The following UTP4 variants were observed in gnomAD, a reference collection of about 807,000 sequenced individuals.
The protein encoded by UTP4 is U3 small nucleolar RNA-associated protein 4 homolog.
Under a neutral mutation model 82.4 loss-of-function variants are expected in UTP4, and 45 were observed. The observed-to-expected ratio is 0.55, with a 90% CI of 0.43 to 0.70. The LOEUF is 0.70. UTP4 is among the 30% of genes least tolerant of loss of function. The pLI, the probability that UTP4 is intolerant of heterozygous loss-of-function variation, is 0.00. For synonymous variants in UTP4, 348 were observed against 300.3 expected (o/e 1.16, Z -1.64); for missense variants, 819 against 858.3 (o/e 0.95, Z 0.57).
intron 6 of UTP4, among the ~76,000 whole-genome samples, chr16:69,144,211 T>A (rs28626797): frequency 0.018 from 2,695 of 149,012 alleles, 81 homozygotes; most frequent in African/African-American, 0.063. Flanking sequence ...TTTTTTTTTT[T>A]ATTTTTTTGA....
intron 6 of UTP4, among the ~76,000 whole-genome samples, chr16:69,144,831 G>T (rs1963063381): frequency 6.6e-6 from 1 of 152,142 alleles, no homozygotes; most frequent in Non-Finnish European, 1.5e-5. Context: ...CACAGCAGTT[G>T]TAATTATTAT....
At chr16:69,145,568 T>C (rs1001423272) in intron 6 of UTP4, among the ~76,000 whole-genome samples, 1 of 152,068 alleles carries the variant, frequency 6.6e-6, no homozygotes, top group Admixed American at 6.5e-5. Flanking sequence ...TTTTTCTTTT[T>C]CTTTTTTTTT....
At chr16:69,155,164 G>GT (rs953487157) in intron 10 of UTP4, among the ~76,000 whole-genome samples, 2 of 152,014 alleles carry the variant, frequency 1.3e-5, no homozygotes, top group Non-Finnish European at 2.9e-5. Flanking sequence ...TAGTTGGTTG[G>GT]TTTTTTTGTT....
intron 14 of UTP4, among the ~76,000 whole-genome samples, chr16:69,163,727 T>C (rs1015313375): frequency 1.3e-5 from 2 of 151,758 alleles, no homozygotes; most frequent in Non-Finnish European, 2.9e-5. Context: ...TAGGAAGTTA[T>C]CAATAATTAT....
In UTP4 at chr16:69,165,379, T is replaced by C; in HGVS notation, c.1686T>C (p.Asp562=). 6.2e-7 allele frequency: 1 copy of C among 1,614,090 alleles called. No homozygotes were observed. The highest frequency in any genetic ancestry group is 8.5e-7 in the Non-Finnish European group (1 of 1,180,026). Residue 562 remains aspartate, a synonymous_variant, in exon 15 of 17, where the codon GAT becomes GAC. Transcript: ENST00000314423. The part of the protein sequence containing the change: ...EYSIPDKQYT[D]WSRTVQKQGF... ...GCATCCCAGACAAACAGTATACAGA[T>C]TGGAGCCGGACTGTCCAGAAGCAGG...
intron 12 of UTP4, among the ~76,000 whole-genome samples, chr16:69,158,670 C>T (rs1422696039): frequency 6.6e-6 from 1 of 151,978 alleles, no homozygotes; most frequent in Non-Finnish European, 1.5e-5. Context: ...ATTTTTTCCA[C>T]TTCTCTCATC....
chr16:69,141,398 C>G (rs1962954480), intron 5 of UTP4, among the ~76,000 whole-genome samples: 1 of 152,232 alleles, frequency 6.6e-6, no homozygotes, highest in Admixed American at 6.5e-5. Context: ...TTCTGAAGCC[C>G]TGGCTCCGCT....
chr16:69,160,187 A>G (rs903162539), intron 12 of UTP4, among the ~76,000 whole-genome samples, 169 bp from the exon 13 acceptor site: 1 of 152,204 alleles, frequency 6.6e-6, no homozygotes. Context: ...AAGTAGATGA[A>G]AAAAGTAGAA....
intron 11 of UTP4, 84 bp from the exon 12 acceptor site, chr16:69,157,000 G>A (rs1241484249): frequency 6.9e-7 from 1 of 1,442,024 alleles, no homozygotes; most frequent in Non-Finnish European, 9.8e-7. Context: ...AAGCATTAAT[G>A]TACCTTAAGC....
At chr16:69,138,525 C>G (rs981058415) in intron 4 of UTP4, among the ~76,000 whole-genome samples, 3 of 152,222 alleles carry the variant, frequency 2.0e-5, no homozygotes, top group Non-Finnish European at 4.4e-5. Context: ...AGGCCTGAGC[C>G]ACTTGCCCTG....
chr16:69,163,880 G>GTTTTTTTTTTTTTTTT (rs201368311), intron 14 of UTP4, among the ~76,000 whole-genome samples: 2 of 132,600 alleles, frequency 1.5e-5, no homozygotes, highest in African/African-American at 2.9e-5. Context: ...TTGATGGTCA[G>GTTTTTTTTTTTTTTTT]TTTGTTTTTT....
In UTP4 at chr16:69,154,450, A is replaced by G; in HGVS notation, c.1157A>G (p.Lys386Arg). The change falls in exon 10 of 17, where the codon AAG (lysine) becomes AGG (arginine). Residue 386 changes from lysine to arginine, a missense_variant. Coordinates refer to ENST00000314423, the MANE Select transcript of UTP4 (RefSeq NM_032830.3). ...SKNADHLLHL[K>R]TKGPENIICS... is the part of the protein sequence containing the mutation. The stretch of plus-strand genomic sequence containing the variant: ...AATGCAGATCATTTACTGCACCTAA[A>G]GACAAAGGTAAGGAAGTTTGTTTAG... 6.2e-7 allele frequency: 1 copy of G among 1,611,036 alleles called. No individual in the cohort carries two copies. The highest frequency in any genetic ancestry group is 8.5e-7 in the Non-Finnish European group (1 of 1,177,286).
chr16:69,164,997 C>G (rs1392211044), intron 14 of UTP4, among the ~76,000 whole-genome samples: 1 of 152,098 alleles, frequency 6.6e-6, no homozygotes, highest in Non-Finnish European at 1.5e-5. Context: ...AGATCAAGAC[C>G]ATCCTGGCTA....
chr16:69,142,013 T>C (rs917249551), intron 5 of UTP4: 2 of 133,518 alleles, frequency 1.5e-5, no homozygotes, highest in Middle Eastern at 4.1e-3. Flanking sequence ...AACTCTTCTC[T>C]AAGGCTATTA....
rs1963447208 is a variant in UTP4 at position 69,157,384 on chromosome 16, G to A, written c.1444+144G>A. 3 of 822,160 alleles carry A rather than the reference G, an allele frequency of 3.6e-6. No homozygotes were observed. The South Asian group carries it at 4.4e-5, about 12-fold the overall frequency. The allele number at this position is 822,160 out of a possible 1,614,324, so 50.9% of individuals were successfully genotyped here. A position where few individuals can be genotyped will look rare whatever the true frequency, so the allele number is the denominator to read the frequency against. On this transcript the variant is annotated intron_variant, in intron 12 of 16. Transcript: ENST00000314423. ...CTCACATGTTTGCTGTTTCAAGTAG[G>A]AGGAGATAGCTGGCAGATGAAGACT...
intron 9 of UTP4, 71 bp downstream of exon 9, chr16:69,153,751 A>G: frequency 9.7e-7 from 1 of 1,029,516 alleles, no homozygotes; most frequent in Non-Finnish European, 1.5e-6. Context: ...TTGCGGTTGG[A>G]ATTCTGCTTA....
At position 69,165,332 on chromosome 16, in the gene UTP4, C is replaced by T. The variant is rs373809668; in HGVS notation, c.1648-9C>T. On this transcript the variant is annotated splice_polypyrimidine_tract_variant and intron_variant, in intron 14 of 16. Coordinates refer to ENST00000314423, the MANE Select transcript of UTP4 (RefSeq NM_032830.3). ...AGCCTGCATTTCTCTATGTCATGTC[C>T]TCCCTCAGGTATTTGAGTACAGCAT... 3.5e-5 allele frequency: 56 copies of T among 1,613,680 alleles called. No homozygotes were observed. The highest frequency in any genetic ancestry group is 4.4e-5 in the Non-Finnish European group (52 of 1,179,740).
At chr16:69,147,001 C>CAAAAAAAAAAAAAA (rs71148965) in intron 6 of UTP4, among the ~76,000 whole-genome samples, 3 of 85,782 alleles carry the variant, frequency 3.5e-5, no homozygotes, top group Non-Finnish European at 4.6e-5. Flanking sequence ...GACTCTGCCT[C>CAAAAAAAAAAAAAA]AAAAAAAAAA....
chr16:69,164,616 G>GTA (rs1385908226), intron 14 of UTP4, among the ~76,000 whole-genome samples: 4 of 104,844 alleles, frequency 3.8e-5, no homozygotes, highest in Non-Finnish European at 8.4e-5. Context: ...ATATATATAT[G>GTA]TATATATATA....
Sources: allele counts gnomAD v4.1 joint callset (sites outside exome capture counted in the v4.1 genomes callset), GRCh38; gene constraint gnomAD v4.1.1; transcripts MANE v1.5; gene names NCBI Gene and HGNC (gene_info 2026-07-23, HGNC 2026-07-21).